The following LY86 variants were observed in gnomAD, a reference collection of about 807,000 sequenced individuals.
The protein encoded by LY86 is MD-1, RP105-associated.
A neutral mutation model predicts 17.3 loss-of-function variants in LY86; 20 were observed. That is an observed-to-expected ratio of 1.15 (90% CI 0.81 to 1.68). The LOEUF is 1.68. Ranked by LOEUF, LY86 falls within the 40% of genes most tolerant of loss-of-function variation. The pLI is 0.00. For synonymous variants in LY86, 74 were observed against 70.6 expected (o/e 1.05, Z -0.24); for missense variants, 200 against 191.9 (o/e 1.04, Z -0.25).
At chr6:6,605,872 T>G (rs146545721) in intron 1 of LY86, among the ~76,000 whole-genome samples, 2 of 150,062 alleles carry the variant, frequency 1.3e-5, no homozygotes, top group Non-Finnish European at 2.9e-5. Context: ...CTGGAGCTCT[T>G]CGTTTCTCGC....
chr6:6,641,244 G>A (rs1160748126), intron 3 of LY86, among the ~76,000 whole-genome samples: 1 of 152,200 alleles, frequency 6.6e-6, no homozygotes, highest in Non-Finnish European at 1.5e-5. Context: ...TTGCCAAAGA[G>A]TCCCAAAGTT....
At chr6:6,654,406 G>A (rs1762230423) in intron 4 of LY86, 138 bp from the exon 5 acceptor site, 4 of 653,636 alleles carry the variant, frequency 6.1e-6, no homozygotes, top group South Asian at 5.6e-5. Flanking sequence ...ACAGGGCAGG[G>A]GTTGGCTTGT....
At chr6:6,593,808 A>C (rs538280360) in intron 1 of LY86, among the ~76,000 whole-genome samples, 1 of 152,286 alleles carries the variant, frequency 6.6e-6, no homozygotes, top group East Asian at 1.9e-4. Flanking sequence ...GGCCATGGTG[A>C]CTCAAACCCG....
intron 1 of LY86, among the ~76,000 whole-genome samples, chr6:6,596,968 G>C (rs76702093): frequency 6.6e-4 from 101 of 152,238 alleles, no homozygotes; most frequent in African/African-American, 2.3e-3. Context: ...CCCAAACGCT[G>C]TTCACAGCTA....
At position 6,649,889 on chromosome 6, in the gene LY86, T is replaced by G. The variant is rs147580839; in HGVS notation, c.405+212T>G. 2.2e-4 allele frequency among the ~76,000 whole-genome samples: 33 copies of G among 152,320 alleles called. No individual in the cohort carries two copies. In the East Asian group the frequency reaches 6.0e-3, roughly 28 times the overall value. The stretch of plus-strand genomic sequence containing the variant: ...CTTGAAATTTCTTGACACACTGGCT[T>G]TGTCATTTTGGCATTTAATATTTTA... On this transcript the variant is annotated intron_variant, in intron 4 of 4. Coordinates refer to ENST00000230568, the MANE Select transcript of LY86 (RefSeq NM_004271.4).
At chr6:6,621,581 G>A (rs1032372463) in intron 1 of LY86, 2 of 152,158 alleles carry the variant, frequency 1.3e-5, no homozygotes, top group African/African-American at 4.8e-5. Flanking sequence ...ACAACTAGAG[G>A]GTATGGGGAT....
At chr6:6,620,659 A>G (rs1761652624) in intron 1 of LY86, among the ~76,000 whole-genome samples, 1 of 152,202 alleles carries the variant, frequency 6.6e-6, no homozygotes, top group African/African-American at 2.4e-5. Context: ...CTAGCTGTTA[A>G]TAGAAGCCAT....
At chr6:6,633,231 G>T (rs1761918384) in intron 3 of LY86, among the ~76,000 whole-genome samples, 1 of 152,198 alleles carries the variant, frequency 6.6e-6, no homozygotes, top group African/African-American at 2.4e-5. Flanking sequence ...TGACTTAAAG[G>T]TGGCTCATGT....
chr6:6,605,168 AATG>A (rs762638941), intron 1 of LY86, among the ~76,000 whole-genome samples: 73 of 152,298 alleles, frequency 4.8e-4, no homozygotes, highest in Non-Finnish European at 4.3e-4. Context: ...CAATGAATGT[AATG>A]ATGATAATGA....
chr6:6,612,129 A>G (rs369015576), intron 1 of LY86, among the ~76,000 whole-genome samples: 18 of 152,268 alleles, frequency 1.2e-4, no homozygotes, highest in South Asian at 4.1e-4. Context: ...AATCAGCTCA[A>G]CAACTCCTAA....
At chr6:6,612,499 A>C (rs1006093307) in intron 1 of LY86, among the ~76,000 whole-genome samples, 1 of 147,906 alleles carries the variant, frequency 6.8e-6, no homozygotes, top group African/African-American at 2.5e-5. Context: ...AACAACAAAA[A>C]CACTTACTGC....
intron 3 of LY86, among the ~76,000 whole-genome samples, chr6:6,644,668 AT>A (rs1762085617): frequency 6.6e-6 from 1 of 152,028 alleles, no homozygotes; most frequent in African/African-American, 2.4e-5. Context: ...AAAAGCTGAT[AT>A]TCAGAAATGA....
intron 1 of LY86, among the ~76,000 whole-genome samples, chr6:6,596,796 T>C (rs1469203695): frequency 6.6e-6 from 1 of 152,126 alleles, no homozygotes; most frequent in African/African-American, 2.4e-5. Context: ...GGGTTTCCAT[T>C]GGTGGGAACG....
intron 3 of LY86, among the ~76,000 whole-genome samples, chr6:6,632,890 G>C (rs1761914299): frequency 6.6e-6 from 1 of 152,134 alleles, no homozygotes; most frequent in Non-Finnish European, 1.5e-5. Flanking sequence ...CCCAAAGTCT[G>C]GGTTTGTCAG....
chr6:6,637,468 C>G (rs1009403523), intron 3 of LY86, among the ~76,000 whole-genome samples: 3 of 152,126 alleles, frequency 2.0e-5, no homozygotes, highest in African/African-American at 7.2e-5. Flanking sequence ...CTAAGGATGA[C>G]CTAGGACCAG....
intron 3 of LY86, among the ~76,000 whole-genome samples, chr6:6,634,347 A>G (rs556873360): frequency 2.0e-5 from 3 of 152,386 alleles, no homozygotes; most frequent in African/African-American, 7.2e-5. Context: ...TCTTTTGTGT[A>G]AATCTGAACT....
At chr6:6,612,110 A>G (rs1302825967) in intron 1 of LY86, among the ~76,000 whole-genome samples, 4 of 152,210 alleles carry the variant, frequency 2.6e-5, no homozygotes, top group African/African-American at 9.6e-5. Flanking sequence ...CAAGCTGATT[A>G]TTTCCAAAAA....
At chr6:6,648,830 T>G (rs903221154) in intron 3 of LY86, among the ~76,000 whole-genome samples, 12 of 151,836 alleles carry the variant, frequency 7.9e-5, no homozygotes, top group African/African-American at 2.7e-4. Flanking sequence ...CAACTAATCT[T>G]GGGACTTAAC....
chr6:6,613,204 G>C (rs999296339), intron 1 of LY86, among the ~76,000 whole-genome samples: 1 of 150,994 alleles, frequency 6.6e-6, no homozygotes, highest in African/African-American at 2.5e-5. Flanking sequence ...CAGGAGCCCA[G>C]CTGGCTTCAC....
Sources: allele counts gnomAD v4.1 joint callset (sites outside exome capture counted in the v4.1 genomes callset), GRCh38; gene constraint gnomAD v4.1.1; transcripts MANE v1.5; gene names NCBI Gene and HGNC (gene_info 2026-07-23, HGNC 2026-07-21).